RUBCNL: variants seen among roughly 807,000 people sequenced by gnomAD.
RUBCNL encodes the protein protein associated with UVRAG as autophagy enhancer.
In RUBCNL, 62 loss-of-function variants were observed where a neutral mutation model predicts 69.5. The ratio of observed to expected loss-of-function variants is 0.89; its 90% confidence interval spans 0.73 to 1.10. The LOEUF is 1.10. RUBCNL is among the 50% of genes least tolerant of loss of function. The pLI, the probability that RUBCNL is intolerant of heterozygous loss-of-function variation, is 0.00. For synonymous variants in RUBCNL, 291 were observed against 303.6 expected, an observed-to-expected ratio of 0.96 and a Z score of 0.43; for missense variants, 768 against 798.1, an observed-to-expected ratio of 0.96 and a Z score of 0.45.
intron 10 of RUBCNL, among the ~76,000 whole-genome samples, chr13:46,351,511 C>G (rs780282531): frequency 2.6e-5 from 4 of 152,104 alleles, no homozygotes; most frequent in Non-Finnish European, 5.9e-5. Context: ...TGCTAACAGG[C>G]ACACATAGTG....
intron 9 of RUBCNL, among the ~76,000 whole-genome samples, chr13:46,358,998 G>A (rs1389755033): frequency 2.0e-5 from 3 of 151,828 alleles, no homozygotes; most frequent in Non-Finnish European, 2.9e-5. Context: ...ATTATCATAG[G>A]CTGAGCGAGG....
intron 4 of RUBCNL, 94 bp downstream of exon 4, chr13:46,368,639 G>A: frequency 1.5e-6 from 2 of 1,318,194 alleles, no homozygotes; most frequent in South Asian, 2.8e-5. Flanking sequence ...TATTTGTAAT[G>A]ATTCATCAAA....
At chr13:46,362,318 A>G (rs2048631828) in intron 7 of RUBCNL, among the ~76,000 whole-genome samples, 1 of 152,212 alleles carries the variant, frequency 6.6e-6, no homozygotes, top group African/African-American at 2.4e-5. Context: ...TGAAATGAGG[A>G]TTAAATGAAA....
chr13:46,345,409 G>A, intron 13 of RUBCNL, 38 bp downstream of exon 13: 1 of 1,547,792 alleles, frequency 6.5e-7, no homozygotes, highest in East Asian at 2.4e-5. Flanking sequence ...ACAGGCCCTG[G>A]TGCATCGGGA....
intron 10 of RUBCNL, among the ~76,000 whole-genome samples, chr13:46,354,197 G>A (rs2048432788): frequency 6.6e-6 from 1 of 152,186 alleles, no homozygotes; most frequent in Admixed American, 6.6e-5. Context: ...GAAATTGAAG[G>A]AGACTAAGGA....
Position 46,342,622 on chromosome 13 carries a change from T to G in RUBCNL, c.*763A>C, listed in dbSNP as rs1364740979. 2.0e-5 allele frequency: 3 copies of G among 152,200 alleles called. No homozygotes were observed. Among genetic ancestry groups the G allele is most frequent in the Non-Finnish European group, 4.4e-5 (3 of 68,032 alleles). The allele number at this position is 152,200 out of a possible 1,614,324, so 9.4% of individuals were successfully genotyped here. A position where few individuals can be genotyped will look rare whatever the true frequency, so the allele number is the denominator to read the frequency against. ...AAATCTGCAAATACCTTATGTTCAG[T>G]TTTACATCTGTTAAAGCAAGATCCT... On this transcript the variant is annotated 3_prime_UTR_variant, in exon 15 of 15. Coordinates refer to ENST00000429979, the MANE Select transcript of RUBCNL (RefSeq NM_025113.5).
In RUBCNL at chr13:46,343,102, T is replaced by G; in HGVS notation, c.*283A>C. 2.1e-6 allele frequency: 1 copy of G among 486,436 alleles called. No individual in the cohort carries two copies. The highest frequency in any genetic ancestry group is 3.2e-5 in the South Asian group (1 of 30,928). 30.1% of individuals were successfully genotyped at this position (486,436 alleles called of 1,614,324 possible). A position where few individuals can be genotyped will look rare whatever the true frequency, so the allele number is the denominator to read the frequency against. On this transcript the variant is annotated 3_prime_UTR_variant, in exon 15 of 15. Transcript: ENST00000429979. The stretch of plus-strand genomic sequence containing the variant: ...CACATACAAACTGGCTCAGCATCAG[T>G]GAAACATAACTATTCAAATACAAAA...
upstream of RUBCNL, chr13:46,387,421 G>C (rs2138871447): frequency 1.0e-6 from 1 of 985,436 alleles, no homozygotes; most frequent in South Asian, 4.7e-5. Context: ...CTGGAGATGC[G>C]CGCTCCTACA....
At chr13:46,388,213 A>AAC (rs1196192185), upstream of RUBCNL, among the ~76,000 whole-genome samples, 2 of 149,170 alleles carry the variant, frequency 1.3e-5, no homozygotes, top group African/African-American at 2.5e-5. Flanking sequence ...AAAAAAAAAA[A>AAC]AAAAAAACAG....
intron 12 of RUBCNL, 47 bp downstream of exon 12, chr13:46,349,239 A>G (rs2048315676): frequency 1.3e-6 from 2 of 1,543,170 alleles, no homozygotes; most frequent in African/African-American, 2.7e-5. Flanking sequence ...TAATAGGATT[A>G]GCAGATGTAT....
intron 1 of RUBCNL, among the ~76,000 whole-genome samples, chr13:46,382,195 C>T (rs1013418720): frequency 2.0e-5 from 3 of 152,120 alleles, no homozygotes; most frequent in African/African-American, 4.8e-5. Context: ...ATAGGAAATG[C>T]TCATCTCCCT....
At chr13:46,343,601 G>C (rs1456451941) in intron 14 of RUBCNL, 104 bp from the exon 15 acceptor site, 12 of 1,211,844 alleles carry the variant, frequency 9.9e-6, no homozygotes, top group Non-Finnish European at 1.4e-5. Flanking sequence ...TCTGAATCCA[G>C]AGCCCAGAGT....
At chr13:46,379,544 C>T (rs907166378) in intron 1 of RUBCNL, among the ~76,000 whole-genome samples, 6 of 152,076 alleles carry the variant, frequency 3.9e-5, no homozygotes. Context: ...TTCCTTGTCA[C>T]CCAAGAAAGG....
At position 46,336,694 on chromosome 13, in the gene RUBCNL, G is replaced by A. The variant is rs765286845; in HGVS notation, c.*6691C>T. The stretch of plus-strand genomic sequence containing the variant: ...TTTAGATATTGCTAGTGACCTTGAC[G>A]GTTTGGGTAGAATGGTTGAGATGGA... On this transcript the variant is annotated 3_prime_UTR_variant, in exon 15 of 15. Coordinates refer to ENST00000429979, the MANE Select transcript of RUBCNL (RefSeq NM_025113.5). Among the ~76,000 whole-genome samples the A allele has an allele frequency of 6.6e-6, 1 of 152,112 alleles. No homozygotes were observed. Among genetic ancestry groups the A allele is most frequent in the Non-Finnish European group, 1.5e-5 (1 of 68,024 alleles).
intron 1 of RUBCNL, 52 bp downstream of exon 1, chr13:46,387,082 C>T (rs2049265804): frequency 2.0e-6 from 2 of 985,428 alleles, no homozygotes; most frequent in South Asian, 4.7e-5. Flanking sequence ...TCTCCAACCA[C>T]CCTCTCCACC....
rs150173381 is a variant in RUBCNL at position 46,345,536 on chromosome 13, C to T, written c.1696G>A (p.Glu566Lys). ...CCTTTCTTGATCCTGACCAGGTCCT[C>T]AAGGGAGAACAGGTGGAGCTCATCA... ...LTDELHLFSL[E>K]DLVRIKKGLL... The change falls in exon 13 of 15, where the codon GAG becomes AAG. Residue 566 changes from glutamate to lysine, a missense_variant. Coordinates refer to ENST00000429979, the MANE Select transcript of RUBCNL (RefSeq NM_025113.5). 2.8e-4 allele frequency: 450 copies of T among 1,613,146 alleles called. 2 individuals are homozygous for T. Among genetic ancestry groups the T allele is most frequent in the Non-Finnish European group, 1.9e-4 (220 of 1,179,570 alleles).
chr13:46,352,671 G>A (rs1227093596), intron 10 of RUBCNL, among the ~76,000 whole-genome samples: 1 of 152,186 alleles, frequency 6.6e-6, no homozygotes, highest in Non-Finnish European at 1.5e-5. Context: ...TGGAGTGGCG[G>A]TGCATGCTTG....
At chr13:46,370,998 G>C (rs912148061) in intron 3 of RUBCNL, among the ~76,000 whole-genome samples, 8 of 150,912 alleles carry the variant, frequency 5.3e-5, no homozygotes, top group Admixed American at 6.6e-5. Context: ...ACCATTGAAA[G>C]ATTGTCCAAA....
chr13:46,359,554 C>T lies in RUBCNL; in HGVS notation c.1197G>A (p.Arg399=). The T allele has an allele frequency of 1.3e-6, 2 of 1,592,424 alleles. No homozygotes were observed. The highest frequency in any genetic ancestry group is 8.6e-7 in the Non-Finnish European group (1 of 1,168,582). Residue 399 remains arginine (R), a synonymous_variant, in exon 9 of 15, where the codon AGG becomes AGA. Coordinates refer to ENST00000429979, the MANE Select transcript of RUBCNL (RefSeq NM_025113.5). ...NVVQEIKFKS[R]IRGTEDWAPP... ...GAGCCCAGTCTTCAGTCCCTCTGATCCTAGACTTAAATTTAATTTCCTGTA... is the reference window on the plus strand; with the variant it reads ...GAGCCCAGTCTTCAGTCCCTCTGATTCTAGACTTAAATTTAATTTCCTGTA...
Sources: allele counts gnomAD v4.1 joint callset (sites outside exome capture counted in the v4.1 genomes callset), GRCh38; gene constraint gnomAD v4.1.1; transcripts MANE v1.5; gene names NCBI Gene and HGNC (gene_info 2026-07-23, HGNC 2026-07-21).